Variants in TBC1D5 observed in about 807,000 individuals in gnomAD.
The protein encoded by TBC1D5 is TBC1 domain family, member 5.
Under a neutral mutation model 100.3 loss-of-function variants are expected in TBC1D5, and 75 were observed. That is an observed-to-expected ratio of 0.75 (90% CI 0.62 to 0.91). The LOEUF (loss-of-function observed/expected upper bound fraction) is 0.91, where lower values mean the gene tolerates loss of function less well. Among genes scored for constraint, TBC1D5 ranks in the 40% least tolerant of loss-of-function variants. TBC1D5 has a pLI of 0.00. For missense variants in TBC1D5, 910 were observed against 942.4 expected, an observed-to-expected ratio of 0.97 and a Z score of 0.45; for synonymous variants, 323 against 325.6, an observed-to-expected ratio of 0.99 and a Z score of 0.09.
intron 3 of TBC1D5, among the ~76,000 whole-genome samples, chr3:17,433,213 G>C (rs932228284): frequency 6.6e-6 from 1 of 152,070 alleles, no homozygotes; most frequent in Non-Finnish European, 1.5e-5. Context: ...TCTCTGTTCC[G>C]GCTACTTTAG....
intron 1 of TBC1D5, among the ~76,000 whole-genome samples, chr3:17,627,734 G>A (rs1022712784): frequency 1.3e-5 from 2 of 151,530 alleles, no homozygotes; most frequent in African/African-American, 2.4e-5. Context: ...CTAAATATCT[G>A]AGGAAACAAA....
At chr3:17,319,731 G>C (rs896094825) in intron 13 of TBC1D5, among the ~76,000 whole-genome samples, 2 of 152,196 alleles carry the variant, frequency 1.3e-5, no homozygotes, top group African/African-American at 4.8e-5. Flanking sequence ...TTAGCCGGGT[G>C]GGGTGGCGGG....
intron 1 of TBC1D5, among the ~76,000 whole-genome samples, chr3:17,712,480 C>G (rs1194720985): frequency 1.3e-5 from 2 of 152,180 alleles, no homozygotes; most frequent in East Asian, 3.8e-4. Context: ...CTGTCTCAGC[C>G]TCAGTTTTAC....
rs779509542 is a variant in TBC1D5, at chr3:17,384,026, A to G, written c.510-11T>C. ...TGCATTTCAGGAAACCTGGAAAAAG[A>G]AAATACAAGATTGAAACTGACTAAC... On this transcript the variant is annotated splice_polypyrimidine_tract_variant and intron_variant, in intron 8 of 21. Transcript: ENST00000253692. 82 of 1,592,576 alleles carry G rather than the reference A, an allele frequency of 5.1e-5. No homozygotes were observed. The highest frequency in any genetic ancestry group is 6.4e-5 in the Non-Finnish European group (74 of 1,164,970).
At chr3:17,523,677 C>T (rs900428113) in intron 2 of TBC1D5, among the ~76,000 whole-genome samples, 10 of 152,038 alleles carry the variant, frequency 6.6e-5, no homozygotes, top group African/African-American at 1.9e-4. Flanking sequence ...AAAATTATAT[C>T]GTATGAAATG....
At chr3:17,496,712 T>C (rs2095712178) in intron 3 of TBC1D5, among the ~76,000 whole-genome samples, 1 of 152,084 alleles carries the variant, frequency 6.6e-6, no homozygotes, top group South Asian at 2.1e-4. Flanking sequence ...ATGTTAAAAA[T>C]ACAACAACTC....
chr3:17,428,694 A>C (rs368045256), intron 3 of TBC1D5, among the ~76,000 whole-genome samples, 175 bp from the exon 4 acceptor site: 2 of 151,968 alleles, frequency 1.3e-5, no homozygotes, highest in East Asian at 1.9e-4. Flanking sequence ...TTTGATACCA[A>C]AATATAAACC....
At chr3:17,456,734 G>C (rs2095093731) in intron 3 of TBC1D5, among the ~76,000 whole-genome samples, 1 of 151,932 alleles carries the variant, frequency 6.6e-6, no homozygotes, top group African/African-American at 2.4e-5. Flanking sequence ...CAGTTTGGAG[G>C]TTCCTCAAAA....
At chr3:17,484,644 G>A (rs2095539489) in intron 3 of TBC1D5, among the ~76,000 whole-genome samples, 1 of 151,878 alleles carries the variant, frequency 6.6e-6, no homozygotes, top group Non-Finnish European at 1.5e-5. Context: ...CATTATGCTT[G>A]GCTAATTTTT....
intron 7 of TBC1D5, 125 bp downstream of exon 7, chr3:17,404,569 C>T: frequency 1.3e-6 from 1 of 782,874 alleles, no homozygotes; most frequent in Non-Finnish European, 2.0e-6. Flanking sequence ...TTAGGTGGTA[C>T]TGTATGTGGA....
chr3:17,391,589 G>A (rs1196655155), intron 8 of TBC1D5, among the ~76,000 whole-genome samples: 1 of 152,032 alleles, frequency 6.6e-6, no homozygotes, highest in African/African-American at 2.4e-5. Flanking sequence ...TAAAATATGT[G>A]GTAGAAGTGC....
chr3:17,316,064 G>C (rs1240659173), intron 13 of TBC1D5, among the ~76,000 whole-genome samples: 1 of 152,168 alleles, frequency 6.6e-6, no homozygotes, highest in African/African-American at 2.4e-5. Context: ...TGCTGGAAAG[G>C]TTGTAGTTTG....
chr3:17,354,424 A>G (rs146613225), intron 13 of TBC1D5, among the ~76,000 whole-genome samples: 80 of 152,232 alleles, frequency 5.3e-4, no homozygotes, highest in East Asian at 2.5e-3. Context: ...AATGCTTAAT[A>G]TAAGTAACCA....
chr3:17,469,782 G>A (rs1340804498), intron 3 of TBC1D5, among the ~76,000 whole-genome samples: 1 of 152,208 alleles, frequency 6.6e-6, no homozygotes, highest in Non-Finnish European at 1.5e-5. Flanking sequence ...GTATTTTGCT[G>A]AAGGAAGACA....
chr3:17,219,681 T>C (rs1273744786), intron 17 of TBC1D5, among the ~76,000 whole-genome samples: 4 of 152,050 alleles, frequency 2.6e-5, no homozygotes, highest in East Asian at 3.8e-4. Context: ...TCCAGATACA[T>C]TGTGCATCCT....
At chr3:17,718,466 G>A (rs1392351636) in intron 1 of TBC1D5, among the ~76,000 whole-genome samples, 2 of 152,036 alleles carry the variant, frequency 1.3e-5, no homozygotes, top group East Asian at 1.9e-4. Context: ...GCATGGTGGC[G>A]GGCACCTGTA....
intron 1 of TBC1D5, among the ~76,000 whole-genome samples, chr3:17,692,804 A>C (rs1009765515): frequency 3.3e-5 from 5 of 152,194 alleles, no homozygotes; most frequent in African/African-American, 4.8e-5. Context: ...CAATGGTCTA[A>C]AACACAAGTA....
chr3:17,229,387 C>T (rs2075218595), intron 17 of TBC1D5, among the ~76,000 whole-genome samples: 1 of 152,276 alleles, frequency 6.6e-6, no homozygotes, highest in Admixed American at 6.5e-5. Context: ...CTTGAAGCCC[C>T]TGGAATAGAC....
At chr3:17,686,911 T>A (rs1392259948) in intron 1 of TBC1D5, among the ~76,000 whole-genome samples, 1 of 152,016 alleles carries the variant, frequency 6.6e-6, no homozygotes, top group African/African-American at 2.4e-5. Context: ...GCCTAAAATG[T>A]TAGTAGTGAT....
Sources: gnomAD v4.1 joint callset for allele counts (sites outside exome capture counted in the v4.1 genomes callset) on GRCh38, gnomAD v4.1.1 for gene constraint, MANE v1.5 for transcripts, NCBI Gene and HGNC (gene_info 2026-07-23, HGNC 2026-07-21) for gene names.